The following MPPED1 variants were observed in gnomAD, a reference collection of about 807,000 sequenced individuals.
MPPED1 encodes metallophosphoesterase domain containing 1, also known as metallophosphoesterase domain-containing protein 1.
MPPED1 carries 16 observed loss-of-function variants against 36.2 expected under a neutral mutation model. That is an observed-to-expected ratio of 0.44 (90% CI 0.30 to 0.67). The LOEUF (loss-of-function observed/expected upper bound fraction) is 0.67, where lower values mean the gene tolerates loss of function less well. Among genes scored for constraint, MPPED1 ranks in the 30% least tolerant of loss-of-function variants. The pLI, the probability that MPPED1 is intolerant of heterozygous loss-of-function variation, is 0.10. For synonymous variants in MPPED1, 199 were observed against 191.3 expected (o/e 1.04, Z -0.33); for missense variants, 307 against 453.4 (o/e 0.68, Z 2.93).
intron 4 of MPPED1, among the ~76,000 whole-genome samples, chr22:43,497,161 G>A (rs549978077): frequency 6.6e-6 from 1 of 151,918 alleles, no homozygotes; most frequent in African/African-American, 2.4e-5. Context: ...TAATGGAGGT[G>A]GTGGTGGAAG....
At chr22:43,497,572 T>G (rs1385886840) in intron 4 of MPPED1, among the ~76,000 whole-genome samples, 3 of 152,002 alleles carry the variant, frequency 2.0e-5, no homozygotes, top group Non-Finnish European at 4.4e-5. Flanking sequence ...CTGAACTGAC[T>G]AGGGGGAATA....
intron 3 of MPPED1, among the ~76,000 whole-genome samples, chr22:43,447,883 A>ATATATATATATATATATATATTTTTT (rs1321289636): frequency 8.9e-5 from 6 of 67,706 alleles, no homozygotes; most frequent in African/African-American, 2.7e-4. Context: ...ATATATATAT[A>ATATATATATATATATATATATTTTTT]TTTTTTTTTT....
chr22:43,477,870 G>T (rs920578927), intron 4 of MPPED1, among the ~76,000 whole-genome samples: 5 of 152,204 alleles, frequency 3.3e-5, no homozygotes, highest in African/African-American at 1.2e-4. Flanking sequence ...GTGTAGTGGG[G>T]AAACGACACC....
intron 1 of MPPED1, among the ~76,000 whole-genome samples, chr22:43,420,399 C>CA (rs1283246183): frequency 6.6e-6 from 1 of 151,194 alleles, no homozygotes; most frequent in Non-Finnish European, 1.5e-5. Context: ...GATGCCGCTT[C>CA]AGATAGACAT....
At chr22:43,430,544 GC>G (rs1929638821) in intron 2 of MPPED1, among the ~76,000 whole-genome samples, 3 of 152,186 alleles carry the variant, frequency 2.0e-5, no homozygotes, top group Non-Finnish European at 1.5e-5. Flanking sequence ...TGTTCCTGCT[GC>G]CAGGAATCCC....
chr22:43,488,861 C>T (rs535738433), intron 4 of MPPED1, among the ~76,000 whole-genome samples: 10 of 152,364 alleles, frequency 6.6e-5, no homozygotes, highest in East Asian at 1.9e-4. Flanking sequence ...TGGTGTGCCC[C>T]GCACAGTGGG....
chr22:43,484,993 T>C (rs1931864547), intron 4 of MPPED1, among the ~76,000 whole-genome samples: 1 of 152,184 alleles, frequency 6.6e-6, no homozygotes, highest in Non-Finnish European at 1.5e-5. Flanking sequence ...GGTAGCTTGC[T>C]GTGCTGCTTC....
intron 1 of MPPED1, among the ~76,000 whole-genome samples, chr22:43,415,365 G>A (rs1012136955): frequency 6.6e-6 from 1 of 151,872 alleles, no homozygotes; most frequent in Non-Finnish European, 1.5e-5. Context: ...TCTCCCTGGT[G>A]ACCTGACAGG....
At chr22:43,468,750 C>A (rs1008749144) in intron 3 of MPPED1, among the ~76,000 whole-genome samples, 1 of 152,134 alleles carries the variant, frequency 6.6e-6, no homozygotes, top group African/African-American at 2.4e-5. Flanking sequence ...CATGTTTAAT[C>A]AGGGCTCATG....
intron 1 of MPPED1, among the ~76,000 whole-genome samples, chr22:43,424,613 A>C (rs1373771474): frequency 6.6e-6 from 1 of 152,146 alleles, no homozygotes. Context: ...AAGGAAAAAA[A>C]AAATGTCTTA....
intron 4 of MPPED1, among the ~76,000 whole-genome samples, chr22:43,492,904 G>C (rs1202252658): frequency 6.6e-6 from 1 of 152,116 alleles, no homozygotes; most frequent in Non-Finnish European, 1.5e-5. Context: ...TTTCAGCTTT[G>C]GCATTTTGGC....
intron 3 of MPPED1, among the ~76,000 whole-genome samples, chr22:43,447,811 A>T (rs1317978581): frequency 2.8e-5 from 4 of 141,558 alleles, no homozygotes; most frequent in African/African-American, 7.8e-5. Flanking sequence ...ATATATATAT[A>T]TATTTATATT....
chr22:43,429,734 A>G (rs920220195), intron 2 of MPPED1, among the ~76,000 whole-genome samples: 2 of 152,186 alleles, frequency 1.3e-5, no homozygotes, highest in Non-Finnish European at 2.9e-5. Context: ...GAAGCAGGAA[A>G]GAGAAGAGAG....
At chr22:43,442,479 C>G (rs535213810) in intron 3 of MPPED1, among the ~76,000 whole-genome samples, 1 of 152,256 alleles carries the variant, frequency 6.6e-6, no homozygotes, top group Non-Finnish European at 1.5e-5. Context: ...AGATCAGGAC[C>G]TAAAGCTAGT....
chr22:43,495,499 G>T (rs1602015969), intron 4 of MPPED1, among the ~76,000 whole-genome samples: 1 of 125,792 alleles, frequency 7.9e-6, no homozygotes, highest in Admixed American at 7.8e-5. Context: ...AGGTAGTGGT[G>T]GTGGAGGTGG....
At chr22:43,493,248 A>G (rs917833304) in intron 4 of MPPED1, among the ~76,000 whole-genome samples, 1 of 152,150 alleles carries the variant, frequency 6.6e-6, no homozygotes, top group African/African-American at 2.4e-5. Flanking sequence ...CCAAACCTCC[A>G]TCTTCTAGTC....
chr22:43,412,092 C>T lies in MPPED1; in HGVS notation c.-145C>T, dbSNP rs973203373. 2.3e-4 allele frequency: 228 copies of T among 979,636 alleles called. No individual in the cohort carries two copies. In the African/African-American group the frequency reaches 3.6e-3, roughly 15 times the overall value. 60.7% of individuals were successfully genotyped at this position (979,636 alleles called of 1,614,324 possible). On this transcript the variant is annotated 5_prime_UTR_variant, in exon 1 of 7. Coordinates refer to ENST00000443721, the MANE Select transcript of MPPED1 (RefSeq NM_001044370.2). Reference sequence around the variant, plus strand: ...CCTGCGCGCCTCCCTCCCGGGAGCCCCTGCCTCCCTCGGTGCGCGCTGCTG... The same window carrying T: ...CCTGCGCGCCTCCCTCCCGGGAGCCTCTGCCTCCCTCGGTGCGCGCTGCTG...
chr22:43,436,744 G>A (rs1929974855), intron 3 of MPPED1, among the ~76,000 whole-genome samples: 1 of 152,282 alleles, frequency 6.6e-6, no homozygotes, highest in Admixed American at 6.5e-5. Flanking sequence ...AGGGCAGAGA[G>A]GCTGGAGTCG....
At chr22:43,465,910 C>T (rs547611483) in intron 3 of MPPED1, among the ~76,000 whole-genome samples, 1 of 152,132 alleles carries the variant, frequency 6.6e-6, no homozygotes, top group Non-Finnish European at 1.5e-5. Context: ...CCACCAGGGC[C>T]CTTTTGTGCA....
Sources: allele counts gnomAD v4.1 joint callset (sites outside exome capture counted in the v4.1 genomes callset), GRCh38; gene constraint gnomAD v4.1.1; transcripts MANE v1.5; gene names NCBI Gene and HGNC (gene_info 2026-07-23, HGNC 2026-07-21).